The following ZNF385D variants were observed in gnomAD, a reference collection of about 807,000 sequenced individuals.
The protein encoded by ZNF385D is zinc finger protein 659.
In ZNF385D, 15 loss-of-function variants were observed where a neutral mutation model predicts 35.8. The ratio of observed to expected loss-of-function variants is 0.42; its 90% confidence interval spans 0.28 to 0.64. ZNF385D has a LOEUF of 0.64. Among genes scored for constraint, ZNF385D ranks in the 30% least tolerant of loss-of-function variants. The pLI is 0.23. For synonymous variants in ZNF385D, 212 were observed against 186.8 expected (o/e 1.13, Z -1.10); for missense variants, 474 against 494.6 (o/e 0.96, Z 0.39).
chr3:21,746,003 C>G (rs947663884), intron 1 of ZNF385D, among the ~76,000 whole-genome samples: 1 of 152,178 alleles, frequency 6.6e-6, no homozygotes, highest in African/African-American at 2.4e-5. Context: ...AATGCTATGA[C>G]TGAAGTACAA....
chr3:22,308,782 A>C (rs1703377131), intron 2 of ZNF385D, among the ~76,000 whole-genome samples: 1 of 152,160 alleles, frequency 6.6e-6, no homozygotes, highest in South Asian at 2.1e-4. Context: ...ACAATGACTT[A>C]CACTAACATT....
At chr3:22,145,896 A>C (rs896222182) in intron 3 of ZNF385D, among the ~76,000 whole-genome samples, 6 of 152,284 alleles carry the variant, frequency 3.9e-5, no homozygotes, top group East Asian at 3.9e-4. Flanking sequence ...GTAGTTGGAA[A>C]TAAGAGAGAA....
At chr3:21,753,895 T>C (rs1185280742), upstream of ZNF385D, among the ~76,000 whole-genome samples, 1 of 152,118 alleles carries the variant, frequency 6.6e-6, no homozygotes, top group Non-Finnish European at 1.5e-5. Context: ...TCTATAGAGT[T>C]TGACCTTTTT....
chr3:21,427,462 C>T (rs1055394499), intron 5 of ZNF385D, among the ~76,000 whole-genome samples: 1 of 152,068 alleles, frequency 6.6e-6, no homozygotes, highest in African/African-American at 2.4e-5. Context: ...TAGGTGGAAG[C>T]TGAATGGGTC....
chr3:21,879,137 A>G (rs950706571), intron 3 of ZNF385D, among the ~76,000 whole-genome samples: 3 of 152,070 alleles, frequency 2.0e-5, no homozygotes, highest in African/African-American at 7.2e-5. Context: ...TTAACAAGGA[A>G]ACAAATGATA....
chr3:21,809,463 G>T (rs1018909005), intron 3 of ZNF385D, among the ~76,000 whole-genome samples: 1 of 151,850 alleles, frequency 6.6e-6, no homozygotes, highest in Non-Finnish European at 1.5e-5. Flanking sequence ...AAGGGGAGAA[G>T]AAAAGGGATC....
At chr3:22,216,938 A>C (rs1697926102) in intron 2 of ZNF385D, among the ~76,000 whole-genome samples, 1 of 152,170 alleles carries the variant, frequency 6.6e-6, no homozygotes, top group East Asian at 1.9e-4. Flanking sequence ...ACAAATCAAC[A>C]CTGGAGAGAG....
At chr3:21,816,053 G>A (rs2073136602) in intron 3 of ZNF385D, among the ~76,000 whole-genome samples, 1 of 152,070 alleles carries the variant, frequency 6.6e-6, no homozygotes, top group African/African-American at 2.4e-5. Flanking sequence ...ATGTAATCCA[G>A]CATATAAACA....
intron 3 of ZNF385D, among the ~76,000 whole-genome samples, chr3:22,129,254 C>T (rs1291437660): frequency 6.6e-6 from 1 of 152,122 alleles, no homozygotes; most frequent in African/African-American, 2.4e-5. Context: ...ATTCCCATGG[C>T]CACCACAGCT....
chr3:22,177,242 G>A lies in ZNF385D; in HGVS notation c.107-8207C>T, dbSNP rs144840745. 9.3e-4 allele frequency among the ~76,000 whole-genome samples: 141 copies of A among 152,212 alleles called. 1 individual carries two copies. The highest frequency in any genetic ancestry group is 3.2e-3 in the African/African-American group (134 of 41,522). On this transcript the variant is annotated intron_variant, in intron 2 of 5. Coordinates refer to the ZNF385D transcript ENST00000494108. Reference sequence around the variant, plus strand: ...CTTTAAACATCAACCCTATTTTCTTGAAAATGCACCAAATATCTTTGTGCT... The same window carrying A: ...CTTTAAACATCAACCCTATTTTCTTAAAAATGCACCAAATATCTTTGTGCT...
intron 3 of ZNF385D, among the ~76,000 whole-genome samples, chr3:21,862,875 G>A (rs1380181845): frequency 6.6e-6 from 1 of 152,130 alleles, no homozygotes; most frequent in Non-Finnish European, 1.5e-5. Flanking sequence ...AGTTACAAGT[G>A]GTCTCAGCTG....
At chr3:22,083,384 T>A (rs1700860197) in intron 3 of ZNF385D, among the ~76,000 whole-genome samples, 1 of 152,180 alleles carries the variant, frequency 6.6e-6, no homozygotes, top group African/African-American at 2.4e-5. Context: ...AGAGAAGACC[T>A]TAAATGACCT....
rs545363140 is a variant in ZNF385D, at chr3:22,188,407, G to A, written c.107-19372C>T. ...CACACTGATTCTGCTGTGTGTTTTA[G>A]CAAGTTATTGTGCGAATGTGTTTAC... On this transcript the variant is annotated intron_variant, in intron 2 of 5. Transcript: ENST00000494108. Among the ~76,000 whole-genome samples the A allele has an allele frequency of 4.6e-5, 7 of 152,114 alleles. No individual in the cohort carries two copies. The East Asian group carries it at 1.4e-3, about 29-fold the overall frequency.
intron 2 of ZNF385D, among the ~76,000 whole-genome samples, chr3:22,288,313 C>T (rs923500875): frequency 9.9e-5 from 15 of 151,934 alleles, no homozygotes; most frequent in Admixed American, 9.2e-4. Flanking sequence ...AGTATTATGC[C>T]ATTATTTATT....
intron 2 of ZNF385D, among the ~76,000 whole-genome samples, chr3:22,355,282 C>T (rs1282336614): frequency 1.3e-5 from 2 of 151,916 alleles, no homozygotes; most frequent in African/African-American, 2.4e-5. Context: ...TAAGTTGATT[C>T]GTTAGATCAA....
chr3:22,155,195 T>C (rs1705508046), intron 3 of ZNF385D, among the ~76,000 whole-genome samples: 1 of 152,028 alleles, frequency 6.6e-6, no homozygotes, highest in African/African-American at 2.4e-5. Context: ...TGTGTATCAA[T>C]AAAAATAAAT....
At chr3:21,718,652 A>C (rs1022051717) in intron 1 of ZNF385D, among the ~76,000 whole-genome samples, 11 of 152,214 alleles carry the variant, frequency 7.2e-5, no homozygotes, top group Admixed American at 4.6e-4. Flanking sequence ...CAAAGCTTGG[A>C]CTTGAGCCCA....
chr3:22,028,374 G>A (rs1697700245), intron 3 of ZNF385D, among the ~76,000 whole-genome samples: 1 of 152,188 alleles, frequency 6.6e-6, no homozygotes, highest in Admixed American at 6.5e-5. Flanking sequence ...AGGGATGGAG[G>A]TTACGCATGG....
chr3:21,874,704 T>G (rs549759803), intron 3 of ZNF385D, among the ~76,000 whole-genome samples: 3 of 152,210 alleles, frequency 2.0e-5, no homozygotes, highest in African/African-American at 7.2e-5. Flanking sequence ...TCAAGATATT[T>G]TATGGCTATT....
Sources: allele counts gnomAD v4.1 joint callset (sites outside exome capture counted in the v4.1 genomes callset), GRCh38; gene constraint gnomAD v4.1.1; transcripts MANE v1.5; gene names NCBI Gene and HGNC (gene_info 2026-07-23, HGNC 2026-07-21).